The following IL1RAPL2 variants were observed in gnomAD, a reference collection of about 807,000 sequenced individuals.
The protein encoded by IL1RAPL2 is interleukin 1 receptor accessory protein like 2.
A neutral mutation model predicts 44.1 loss-of-function variants in IL1RAPL2; 3 were observed. The observed-to-expected ratio is 0.07, with a 90% CI of 0.03 to 0.18. The LOEUF is 0.18. IL1RAPL2 is among the 10% of genes least tolerant of loss of function. The pLI is 1.00. For synonymous variants in IL1RAPL2, 181 were observed against 178.8 expected (o/e 1.01, Z -0.10); for missense variants, 391 against 496.4 (o/e 0.79, Z 2.02).
intron 2 of IL1RAPL2, among the ~76,000 whole-genome samples, chrX:104,676,120 G>T (rs1753633460): frequency 2.7e-5 from 3 of 109,801 alleles, no homozygotes; most frequent in Non-Finnish European, 5.7e-5. Flanking sequence ...ATATTGTTAT[G>T]TGTGAATTTG....
chrX:105,323,895 CAG>C (rs1556283968), intron 5 of IL1RAPL2, among the ~76,000 whole-genome samples: 3 of 103,963 alleles, frequency 2.9e-5, no homozygotes, highest in African/African-American at 1.0e-4. Context: ...CACACACACA[CAG>C]ACACACACAC....
At chrX:105,629,038 A>C (rs1222940746) in intron 6 of IL1RAPL2, among the ~76,000 whole-genome samples, 2 of 112,217 alleles carry the variant, frequency 1.8e-5, no homozygotes, top group Non-Finnish European at 3.8e-5. Flanking sequence ...AGTTTTCCAC[A>C]GTTTAGAGAG....
intron 5 of IL1RAPL2, among the ~76,000 whole-genome samples, chrX:105,299,483 C>T (rs990981861): frequency 1.8e-5 from 2 of 110,965 alleles, no homozygotes; most frequent in Non-Finnish European, 3.8e-5. Context: ...CAGGGTGAAG[C>T]CATGGGACAG....
intron 6 of IL1RAPL2, among the ~76,000 whole-genome samples, chrX:105,579,163 T>C (rs1330712873): frequency 8.9e-6 from 1 of 111,806 alleles, no homozygotes; most frequent in Non-Finnish European, 1.9e-5. Flanking sequence ...CAACTAAATT[T>C]TTCTGTCTGT....
intron 2 of IL1RAPL2, among the ~76,000 whole-genome samples, chrX:104,751,528 A>G (rs748739347): frequency 1.2e-4 from 13 of 111,094 alleles, no homozygotes; most frequent in African/African-American, 3.9e-4. Context: ...CACATGGCAG[A>G]CTTCATTATT....
At chrX:104,905,305 T>A (rs939816707) in intron 2 of IL1RAPL2, among the ~76,000 whole-genome samples, 8 of 111,850 alleles carry the variant, frequency 7.2e-5, no homozygotes, top group African/African-American at 2.6e-4. Flanking sequence ...CTCTTTAGTT[T>A]AATTAGATCC....
At chrX:105,688,645 G>T (rs1267637207) in intron 6 of IL1RAPL2, among the ~76,000 whole-genome samples, 1 of 111,814 alleles carries the variant, frequency 8.9e-6, no homozygotes, top group Non-Finnish European at 1.9e-5. Context: ...TGGCCATGCT[G>T]CCCAAAGTAA....
intron 1 of IL1RAPL2, among the ~76,000 whole-genome samples, chrX:104,590,193 C>T (rs1401466225): frequency 2.7e-5 from 3 of 110,787 alleles, no homozygotes; most frequent in African/African-American, 6.6e-5. Context: ...TACAGGCGTG[C>T]GCCACCATGC....
At chrX:104,709,975 T>TA (rs1033421690) in intron 2 of IL1RAPL2, among the ~76,000 whole-genome samples, 2 of 110,487 alleles carry the variant, frequency 1.8e-5, no homozygotes, top group Non-Finnish European at 3.8e-5. Context: ...GCTATAATAA[T>TA]AAAAAAAAGA....
chrX:104,704,149 A>G (rs1331808617), intron 2 of IL1RAPL2, among the ~76,000 whole-genome samples: 1 of 111,986 alleles, frequency 8.9e-6, no homozygotes, highest in African/African-American at 3.3e-5. Flanking sequence ...ATTCTCCCTC[A>G]TCAGACTGCG....
rs776082516 is a variant in IL1RAPL2 at position 105,260,709 on chromosome X, G to A, written c.544-6679G>A. Among the ~76,000 whole-genome samples, 8 of 112,462 alleles carry A rather than the reference G, an allele frequency of 7.1e-5. No individual in the cohort carries two copies. In the East Asian group the frequency reaches 2.2e-3, roughly 32 times the overall value. ...AGCAGTCTAGCCACGTTTTGGTAGA[G>A]CAGCTGTGCTGTGCTGGGAGATCCC... On this transcript the variant is annotated intron_variant, in intron 4 of 10. Transcript: ENST00000372582.
intron 2 of IL1RAPL2, among the ~76,000 whole-genome samples, chrX:105,129,744 T>A (rs1181759698): frequency 9.0e-6 from 1 of 110,656 alleles, no homozygotes; most frequent in Admixed American, 9.6e-5. Flanking sequence ...GTGAAATAGG[T>A]GATCCTTCTT....
At chrX:104,677,863 G>A (rs1930810600) in intron 2 of IL1RAPL2, among the ~76,000 whole-genome samples, 1 of 111,895 alleles carries the variant, frequency 8.9e-6, no homozygotes, top group African/African-American at 3.2e-5. Context: ...GATTTTCCAG[G>A]TGCCCTCCGT....
At chrX:104,734,545 A>G (rs1405251585) in intron 2 of IL1RAPL2, among the ~76,000 whole-genome samples, 1 of 112,260 alleles carries the variant, frequency 8.9e-6, no homozygotes, top group Non-Finnish European at 1.9e-5. Flanking sequence ...GCCAGTCTCA[A>G]AAGGCTGCAT....
chrX:105,020,739 G>A (rs1336594056), intron 2 of IL1RAPL2, among the ~76,000 whole-genome samples: 1 of 111,234 alleles, frequency 9.0e-6, no homozygotes. Context: ...ATTATCAGGT[G>A]ACAGAGATGC....
rs961594989 is a variant in IL1RAPL2, at chrX:104,727,787, TG to T, written c.82+68793del. On this transcript the variant is annotated intron_variant, in intron 2 of 10. Transcript: ENST00000372582. ...AATCATTTTGCAGCAGAATGAATTTTGTTTTTGGATTTTTTTTTTTTGCAGC... is the reference window on the plus strand; with the variant it reads ...AATCATTTTGCAGCAGAATGAATTTTTTTTTGGATTTTTTTTTTTTGCAGC... 1.0e-4 allele frequency among the ~76,000 whole-genome samples: 11 copies of T among 109,971 alleles called. 1 individual carries two copies. The highest frequency in any genetic ancestry group is 2.9e-4 in the Admixed American group (3 of 10,226).
intron 6 of IL1RAPL2, among the ~76,000 whole-genome samples, chrX:105,553,384 A>G (rs766687154): frequency 8.9e-6 from 1 of 111,805 alleles, no homozygotes; most frequent in South Asian, 3.7e-4. Flanking sequence ...AGGACAACTA[A>G]CACTGGGAAA....
chrX:105,738,771 A>G (rs921587225), intron 7 of IL1RAPL2, among the ~76,000 whole-genome samples: 2 of 110,791 alleles, frequency 1.8e-5, no homozygotes, highest in African/African-American at 6.6e-5. Context: ...TTCAGGAAAT[A>G]ACCCAAGCAA....
chrX:104,806,160 G>T (rs763816851), intron 2 of IL1RAPL2, among the ~76,000 whole-genome samples: 1 of 111,635 alleles, frequency 9.0e-6, no homozygotes, highest in South Asian at 3.9e-4. Context: ...AGTACACCTG[G>T]GCCTTGTAAA....
Sources: allele counts gnomAD v4.1 joint callset (sites outside exome capture counted in the v4.1 genomes callset), GRCh38; gene constraint gnomAD v4.1.1; transcripts MANE v1.5; gene names NCBI Gene and HGNC (gene_info 2026-07-23, HGNC 2026-07-21).